KCTD16: variants seen among roughly 807,000 people sequenced by gnomAD.
KCTD16 encodes potassium channel tetramerization domain containing 16.
A neutral mutation model predicts 33.2 loss-of-function variants in KCTD16; 13 were observed. That is an observed-to-expected ratio of 0.39 (90% confidence interval 0.25 to 0.62). The LOEUF is 0.62. Ranked by LOEUF, KCTD16 falls within the 20% of genes least tolerant of loss-of-function variation. KCTD16 has a pLI of 0.50. For synonymous variants in KCTD16, 197 were observed against 195.3 expected (o/e 1.01, Z -0.07); for missense variants, 441 against 525.1 (o/e 0.84, Z 1.57).
intron 3 of KCTD16, among the ~76,000 whole-genome samples, chr5:144,335,481 A>T (rs866687050): frequency 6.6e-6 from 1 of 152,166 alleles, no homozygotes; most frequent in African/African-American, 2.4e-5. Flanking sequence ...AGAAAGATGC[A>T]AGGGGTAGAA....
intron 3 of KCTD16, among the ~76,000 whole-genome samples, chr5:144,296,123 T>C (rs994337065): frequency 2.0e-5 from 3 of 152,206 alleles, no homozygotes; most frequent in African/African-American, 7.2e-5. Context: ...GCAAAGCAAC[T>C]TCAGTAGCTC....
At chr5:144,172,557 G>A (rs911631878) in intron 1 of KCTD16, among the ~76,000 whole-genome samples, 2 of 152,134 alleles carry the variant, frequency 1.3e-5, no homozygotes, top group African/African-American at 2.4e-5. Context: ...TCATTCAAGT[G>A]TTCACCACCT....
At chr5:144,287,290 T>C (rs1286674418) in intron 3 of KCTD16, among the ~76,000 whole-genome samples, 2 of 151,958 alleles carry the variant, frequency 1.3e-5, no homozygotes, top group East Asian at 3.9e-4. Flanking sequence ...CTGTGTTTTG[T>C]CATCAGTGGG....
Position 144,328,863 on chromosome 5 carries a change from CT to C in KCTD16, c.832+121330del, listed in dbSNP as rs529931780. 2.8e-3 allele frequency among the ~76,000 whole-genome samples: 397 copies of C among 143,906 alleles called. 1 individual carries two copies. Among genetic ancestry groups the C allele is most frequent in the Middle Eastern group, 0.015 (4 of 266 alleles). 94.4% of individuals were successfully genotyped at this position (143,906 alleles called of 152,430 possible). ...GGAAAGACTTTGCTGTAGCTTTTTT[CT>C]TTTTTTTTTTTTATCAGCATCTGAT... On this transcript the variant is annotated intron_variant, in intron 3 of 3. Coordinates refer to ENST00000512467, the MANE Select transcript of KCTD16 (RefSeq NM_020768.4).
chr5:144,175,128 G>T (rs771829034), intron 2 of KCTD16, among the ~76,000 whole-genome samples: 1 of 152,174 alleles, frequency 6.6e-6, no homozygotes, highest in African/African-American at 2.4e-5. Flanking sequence ...TATACTTCAA[G>T]AATTTGTGTG....
intron 3 of KCTD16, among the ~76,000 whole-genome samples, chr5:144,300,770 A>G (rs1751413424): frequency 6.6e-6 from 1 of 152,206 alleles, no homozygotes; most frequent in South Asian, 2.1e-4. Context: ...ACATTATTAA[A>G]TACTTTGTCT....
chr5:144,470,574 A>G (rs1009864456), intron 3 of KCTD16, among the ~76,000 whole-genome samples: 2 of 152,222 alleles, frequency 1.3e-5, no homozygotes, highest in African/African-American at 4.8e-5. Flanking sequence ...TCTTGCCAAA[A>G]TAAATGGCAA....
At chr5:144,242,418 C>T (rs1040414481) in intron 3 of KCTD16, among the ~76,000 whole-genome samples, 2 of 152,064 alleles carry the variant, frequency 1.3e-5, no homozygotes, top group Admixed American at 6.6e-5. Flanking sequence ...CTATGTATAA[C>T]ACCTTTACCA....
At chr5:144,437,954 T>G (rs568176576) in intron 3 of KCTD16, among the ~76,000 whole-genome samples, 41 of 152,318 alleles carry the variant, frequency 2.7e-4, no homozygotes, top group South Asian at 1.0e-3. Flanking sequence ...TAAATTGAGA[T>G]GTTTTAAGTT....
chr5:144,201,937 A>G (rs540480163), intron 2 of KCTD16, among the ~76,000 whole-genome samples: 35 of 152,348 alleles, frequency 2.3e-4, no homozygotes, highest in African/African-American at 7.9e-4. Flanking sequence ...ATGTGTTAGG[A>G]GTGAGAATGT....
Position 144,206,868 on chromosome 5 carries a change from T to G in KCTD16, c.154T>G (p.Trp52Gly). ...GATAAGCATCCCTCATTCCCTCCTG[T>G]GGAAAATGTTTTCCCCAAAGAGAGA... is the stretch of plus-strand genomic sequence containing the variant. ...TLISIPHSLLWKMFSPKRDTA... is the reference protein window; with the variant it reads ...TLISIPHSLLGKMFSPKRDTA... Residue 52 changes from tryptophan to glycine, a missense_variant, in exon 3 of 4, where the codon TGG becomes GGG. By Grantham distance (184) the Trp-to-Gly change is radical (BLOSUM62 -2). Coordinates refer to ENST00000512467, the MANE Select transcript of KCTD16 (RefSeq NM_020768.4). The G allele has an allele frequency of 6.2e-7, 1 of 1,614,162 alleles. No individual in the cohort carries two copies. Among genetic ancestry groups the G allele is most frequent in the East Asian group, 2.2e-5 (1 of 44,874 alleles).
intron 3 of KCTD16, among the ~76,000 whole-genome samples, chr5:144,297,784 G>T (rs1442437661): frequency 1.3e-5 from 2 of 152,340 alleles, no homozygotes; most frequent in East Asian, 3.9e-4. Context: ...TGAGAGCACA[G>T]CGGGAGGGAC....
At position 144,451,988 on chromosome 5, in the gene KCTD16, T is replaced by C. The variant is rs1195235933; in HGVS notation, c.833-21672T>C. Among the ~76,000 whole-genome samples, 4 of 151,984 alleles carry C rather than the reference T, an allele frequency of 2.6e-5. No homozygotes were observed. The South Asian group carries it at 8.3e-4, about 31-fold the overall frequency. On this transcript the variant is annotated intron_variant, in intron 3 of 3. Coordinates refer to ENST00000512467, the MANE Select transcript of KCTD16 (RefSeq NM_020768.4). ...TGAAACTGTATTTGTCACAGCATATTAATTTATCTAGTTCTGTTCTCTTTG... is the reference window on the plus strand; with the variant it reads ...TGAAACTGTATTTGTCACAGCATATCAATTTATCTAGTTCTGTTCTCTTTG...
At chr5:144,199,041 A>T (rs1462964247) in intron 2 of KCTD16, among the ~76,000 whole-genome samples, 1 of 152,228 alleles carries the variant, frequency 6.6e-6, no homozygotes, top group East Asian at 1.9e-4. Context: ...AATTCCATTT[A>T]CACATATATA....
At chr5:144,328,038 A>T (rs29890) in intron 3 of KCTD16, among the ~76,000 whole-genome samples, 42,081 of 151,988 alleles carry the variant, frequency 0.28, 6,008 homozygotes, top group Non-Finnish European at 0.3. Flanking sequence ...CACCAACAAC[A>T]TCACACTATG....
At chr5:144,225,211 G>A (rs1439323462) in intron 3 of KCTD16, among the ~76,000 whole-genome samples, 1 of 152,076 alleles carries the variant, frequency 6.6e-6, no homozygotes, top group Non-Finnish European at 1.5e-5. Flanking sequence ...GATGGGAGAA[G>A]GTGCTTAACA....
At position 144,376,725 on chromosome 5, in the gene KCTD16, C is replaced by T. The variant is rs529031428; in HGVS notation, c.833-96935C>T. ...TAGATTTCCAGTTAGAAAAAAGGAT[C>T]CAACAATATTCTTGGACTGTTTGGC... is the stretch of plus-strand genomic sequence containing the variant. On this transcript the variant is annotated intron_variant, in intron 3 of 3. Coordinates refer to ENST00000512467, the MANE Select transcript of KCTD16 (RefSeq NM_020768.4). Among the ~76,000 whole-genome samples, 4 of 152,240 alleles carry T rather than the reference C, an allele frequency of 2.6e-5. No homozygotes were observed. The East Asian group carries it at 7.7e-4, about 29-fold the overall frequency.
intron 3 of KCTD16, among the ~76,000 whole-genome samples, chr5:144,337,188 A>G (rs1243875033): frequency 2.0e-5 from 3 of 152,038 alleles, no homozygotes; most frequent in African/African-American, 7.2e-5. Context: ...TACTAAGGCT[A>G]TAATGGGCAT....
intron 3 of KCTD16, among the ~76,000 whole-genome samples, chr5:144,344,953 C>G (rs1484619887): frequency 1.3e-5 from 2 of 151,290 alleles, no homozygotes; most frequent in Non-Finnish European, 3.0e-5. Flanking sequence ...TTGGAACCAA[C>G]CCAAATGTCC....
Sources: allele counts gnomAD v4.1 joint callset (sites outside exome capture counted in the v4.1 genomes callset), GRCh38; gene constraint gnomAD v4.1.1; transcripts MANE v1.5; gene names NCBI Gene and HGNC (gene_info 2026-07-23, HGNC 2026-07-21).